The following SLC25A21 variants were observed in gnomAD, a reference collection of about 807,000 sequenced individuals.
SLC25A21 encodes the protein mitochondrial 2-oxodicarboxylate carrier.
Under a neutral mutation model 43.8 loss-of-function variants are expected in SLC25A21, and 47 were observed. That is an observed-to-expected ratio of 1.07 (90% confidence interval 0.85 to 1.37). The LOEUF is 1.37. SLC25A21 is among the 40% of genes most tolerant of loss of function. The pLI is 0.00. For missense variants in SLC25A21, 352 were observed against 350.2 expected, an observed-to-expected ratio of 1.00 and a Z score of -0.04; for synonymous variants, 131 against 121.3, an observed-to-expected ratio of 1.08 and a Z score of -0.52.
chr14:36,791,863 C>T (rs1645124327), intron 3 of SLC25A21, among the ~76,000 whole-genome samples: 1 of 151,998 alleles, frequency 6.6e-6, no homozygotes, highest in South Asian at 2.1e-4. Flanking sequence ...GAGTGGGGCA[C>T]AACAGATTGG....
At chr14:37,146,394 G>A (rs753899146) in intron 1 of SLC25A21, among the ~76,000 whole-genome samples, 17 of 152,128 alleles carry the variant, frequency 1.1e-4, no homozygotes, top group East Asian at 3.9e-4. Flanking sequence ...CTACAGGAAC[G>A]TGGCATCACC....
At chr14:37,141,126 C>G (rs1218008876) in intron 1 of SLC25A21, among the ~76,000 whole-genome samples, 2 of 151,840 alleles carry the variant, frequency 1.3e-5, no homozygotes, top group African/African-American at 4.8e-5. Context: ...GCCTGGGTGA[C>G]AGAGAGAGAC....
chr14:36,875,593 C>T (rs972270050), intron 1 of SLC25A21, among the ~76,000 whole-genome samples: 8 of 152,136 alleles, frequency 5.3e-5, no homozygotes, highest in African/African-American at 1.9e-4. Flanking sequence ...ACTTAGATTA[C>T]CTCATTTAAT....
At chr14:37,061,803 C>T (rs1043085561) in intron 1 of SLC25A21, among the ~76,000 whole-genome samples, 1 of 152,194 alleles carries the variant, frequency 6.6e-6, no homozygotes, top group Admixed American at 6.5e-5. Flanking sequence ...TATGTCTAGA[C>T]ACATGACATA....
intron 1 of SLC25A21, among the ~76,000 whole-genome samples, chr14:37,110,104 T>C (rs889966841): frequency 6.6e-6 from 1 of 152,178 alleles, no homozygotes; most frequent in African/African-American, 2.4e-5. Context: ...TTCATACTTG[T>C]GAAAAAAATG....
At chr14:36,932,318 G>C (rs1892316153) in intron 1 of SLC25A21, among the ~76,000 whole-genome samples, 1 of 152,108 alleles carries the variant, frequency 6.6e-6, no homozygotes, top group African/African-American at 2.4e-5. Context: ...CACTCAGTTG[G>C]AGTCCACGTT....
intron 2 of SLC25A21, among the ~76,000 whole-genome samples, chr14:36,849,263 G>A (rs559674328): frequency 1.6e-4 from 25 of 152,190 alleles, no homozygotes; most frequent in African/African-American, 6.0e-4. Context: ...ATCTGTATTT[G>A]TTCCCCTTTC....
intron 2 of SLC25A21, among the ~76,000 whole-genome samples, chr14:36,857,945 G>T (rs1889951670): frequency 6.6e-6 from 1 of 152,130 alleles, no homozygotes; most frequent in South Asian, 2.1e-4. Context: ...CACAATTAAT[G>T]AAAACACAAT....
chr14:37,073,059 G>C (rs1000634486), intron 1 of SLC25A21, among the ~76,000 whole-genome samples: 2 of 152,186 alleles, frequency 1.3e-5, no homozygotes, highest in African/African-American at 4.8e-5. Flanking sequence ...GACTATTTAA[G>C]TTAAGAACAC....
chr14:37,128,911 C>A lies in SLC25A21; in HGVS notation c.70+43370G>T, dbSNP rs113733809. ...CCCTGCATTATGATTTCTTGGTTAG[C>A]ACAAATTCATAATCTAAATGATGCT... On this transcript the variant is annotated intron_variant, in intron 1 of 9. Transcript: ENST00000331299. Among the ~76,000 whole-genome samples the A allele has an allele frequency of 2.4e-3, 365 of 152,224 alleles. 2 individuals carry two copies. Among genetic ancestry groups the A allele is most frequent in the African/African-American group, 8.3e-3 (344 of 41,528 alleles).
rs79281879 is a variant in SLC25A21 at position 37,054,642 on chromosome 14, C to T, written c.70+117639G>A. On this transcript the variant is annotated intron_variant, in intron 1 of 9. Coordinates refer to ENST00000331299, the MANE Select transcript of SLC25A21 (RefSeq NM_030631.4). ...GAGGTGATGGAAAGTGAGGAAAATG[C>T]TAATAGAGGTTGGAAAAAAGGTGTT... Among the ~76,000 whole-genome samples, 1,216 of 152,048 alleles carry T rather than the reference C, an allele frequency of 8.0e-3. 21 individuals carry two copies. Among genetic ancestry groups the T allele is most frequent in the African/African-American group, 0.028 (1,154 of 41,444 alleles).
Position 37,039,598 on chromosome 14 carries a change from GT to G in SLC25A21, c.70+132682del, listed in dbSNP as rs535211907. Among the ~76,000 whole-genome samples, 15 of 152,274 alleles carry G rather than the reference GT, an allele frequency of 9.9e-5. No homozygotes were observed. The South Asian group carries it at 3.1e-3, about 32-fold the overall frequency. On this transcript the variant is annotated intron_variant, in intron 1 of 9. Coordinates refer to ENST00000331299, the MANE Select transcript of SLC25A21 (RefSeq NM_030631.4). ...TGTTGAAGGTATCACTACTGCATTT[GT>G]TTTATCACTGAGTAGTCTTTCATTG...
rs1057122427 is a variant in SLC25A21 at position 36,697,573 on chromosome 14, G to C, written c.604-12648C>G. Among the ~76,000 whole-genome samples the C allele has an allele frequency of 6.6e-5, 10 of 152,188 alleles. No individual in the cohort carries two copies. In the East Asian group the frequency reaches 1.9e-3, roughly 29 times the overall value. The stretch of plus-strand genomic sequence containing the variant: ...TCTCTTTGTAGGTCTCTAAGGACTT[G>C]CTTTATGAATCTGGGTGCTCCTGTA... On this transcript the variant is annotated intron_variant, in intron 7 of 9. Coordinates refer to ENST00000331299, the MANE Select transcript of SLC25A21 (RefSeq NM_030631.4).
chr14:37,080,971 G>A (rs1210906821), intron 1 of SLC25A21, among the ~76,000 whole-genome samples: 1 of 152,124 alleles, frequency 6.6e-6, no homozygotes, highest in Non-Finnish European at 1.5e-5. Context: ...AATGGTTATC[G>A]ACTACCTCTA....
chr14:37,016,951 G>A (rs1202114404), intron 1 of SLC25A21, among the ~76,000 whole-genome samples: 2 of 151,974 alleles, frequency 1.3e-5, no homozygotes, highest in Non-Finnish European at 2.9e-5. Flanking sequence ...GCCTTGCTCT[G>A]GATTAGCTTT....
chr14:36,838,990 C>T (rs1315010018), intron 2 of SLC25A21, among the ~76,000 whole-genome samples: 1 of 152,170 alleles, frequency 6.6e-6, no homozygotes. Flanking sequence ...TGCCAAAAAG[C>T]ATTTAGCTGA....
intron 3 of SLC25A21, among the ~76,000 whole-genome samples, chr14:36,808,264 AC>A: frequency 6.6e-6 from 1 of 152,322 alleles, no homozygotes; most frequent in African/African-American, 2.4e-5. Flanking sequence ...GAGCTAAGGA[AC>A]AAACAGGATG....
At chr14:37,082,650 TC>T (rs1281304544) in intron 1 of SLC25A21, among the ~76,000 whole-genome samples, 29 of 152,286 alleles carry the variant, frequency 1.9e-4, no homozygotes, top group African/African-American at 6.7e-4. Flanking sequence ...AAATGTTAGT[TC>T]CTTTCCTTCT....
chr14:37,156,270 G>A (rs1407511734), intron 1 of SLC25A21, among the ~76,000 whole-genome samples: 7 of 151,226 alleles, frequency 4.6e-5, no homozygotes, highest in South Asian at 2.1e-4. Flanking sequence ...TCACCAAACC[G>A]CAATGACAAA....
Sources: gnomAD v4.1 joint callset for allele counts (sites outside exome capture counted in the v4.1 genomes callset) on GRCh38, gnomAD v4.1.1 for gene constraint, MANE v1.5 for transcripts, NCBI Gene and HGNC (gene_info 2026-07-23, HGNC 2026-07-21) for gene names.